NCAM2: variants seen among roughly 807,000 people sequenced by gnomAD.
The protein encoded by NCAM2 is neural cell adhesion molecule 2, also known as N-CAM-2.
NCAM2 carries 30 observed loss-of-function variants against 98.1 expected under a neutral mutation model. The observed-to-expected ratio is 0.31, with a 90% CI of 0.23 to 0.41. The LOEUF is 0.41. NCAM2 is among the 10% of genes least tolerant of loss of function. The pLI, the probability that NCAM2 is intolerant of heterozygous loss-of-function variation, is 1.00. For synonymous variants in NCAM2, 368 were observed against 342.4 expected, an observed-to-expected ratio of 1.07 and a Z score of -0.83; for missense variants, 867 against 1,005.8, an observed-to-expected ratio of 0.86 and a Z score of 1.87.
intron 1 of NCAM2, among the ~76,000 whole-genome samples, chr21:21,120,511 G>T (rs1231516252): frequency 1.3e-5 from 2 of 152,026 alleles, no homozygotes; most frequent in Non-Finnish European, 2.9e-5. Flanking sequence ...GCAGCATGGG[G>T]TAGATTCGAA....
chr21:21,128,473 T>A (rs1213615596), intron 1 of NCAM2, among the ~76,000 whole-genome samples: 1 of 152,112 alleles, frequency 6.6e-6, no homozygotes, highest in Non-Finnish European at 1.5e-5. Context: ...ACTGAAAAGA[T>A]TAAGATCTTT....
chr21:21,073,480 A>C (rs1044924926), intron 1 of NCAM2, among the ~76,000 whole-genome samples: 6 of 152,212 alleles, frequency 3.9e-5, no homozygotes, highest in African/African-American at 1.4e-4. Context: ...TCTAAAGTTT[A>C]AACTTCACTG....
At chr21:21,340,680 A>G (rs1422106970) in intron 8 of NCAM2, among the ~76,000 whole-genome samples, 1 of 151,960 alleles carries the variant, frequency 6.6e-6, no homozygotes, top group Non-Finnish European at 1.5e-5. Context: ...TTATTTTTCT[A>G]TACTCCAGTA....
chr21:21,535,330 T>A (rs989473767), intron 17 of NCAM2, among the ~76,000 whole-genome samples: 6 of 152,112 alleles, frequency 3.9e-5, no homozygotes, highest in Non-Finnish European at 8.8e-5. Flanking sequence ...CTATTGGATG[T>A]ATGTGGTACT....
chr21:21,351,029 G>C (rs2147939950), intron 8 of NCAM2, among the ~76,000 whole-genome samples: 1 of 147,806 alleles, frequency 6.8e-6, no homozygotes, highest in South Asian at 2.1e-4. Flanking sequence ...AAGCAGAATG[G>C]CGTGAACGCG....
intron 7 of NCAM2, among the ~76,000 whole-genome samples, chr21:21,337,648 G>A (rs190729424): frequency 9.9e-5 from 15 of 151,892 alleles, no homozygotes; most frequent in African/African-American, 2.7e-4. Flanking sequence ...AAAAAATAAA[G>A]CTCTCTGGAA....
intron 5 of NCAM2, among the ~76,000 whole-genome samples, chr21:21,300,534 C>CA (rs5842913): frequency 1 from 152,100 of 152,100 alleles, 76,050 homozygotes; most frequent in Non-Finnish European, 1. Context: ...AACTCCATTC[C>CA]ACAGCCTCTT....
chr21:21,201,186 TATTG>T (rs938621326), intron 1 of NCAM2, among the ~76,000 whole-genome samples: 15 of 152,192 alleles, frequency 9.9e-5, no homozygotes, highest in Non-Finnish European at 1.9e-4. Context: ...TAATTTATTT[TATTG>T]ATTATTAGGA....
At chr21:21,393,809 A>G (rs1412937558) in intron 9 of NCAM2, among the ~76,000 whole-genome samples, 1 of 152,182 alleles carries the variant, frequency 6.6e-6, no homozygotes, top group East Asian at 1.9e-4. Context: ...TCAAATATAT[A>G]ACATAACCAA....
chr21:21,266,996 A>G (rs1243151641), intron 1 of NCAM2, among the ~76,000 whole-genome samples: 1 of 152,150 alleles, frequency 6.6e-6, no homozygotes, highest in Non-Finnish European at 1.5e-5. Flanking sequence ...TCACGCAGCT[A>G]TTAAGCCTAG....
At chr21:21,313,870 G>A (rs1568922697) in intron 5 of NCAM2, among the ~76,000 whole-genome samples, 1 of 151,962 alleles carries the variant, frequency 6.6e-6, no homozygotes, top group Non-Finnish European at 1.5e-5. Context: ...AGGGGGTGTT[G>A]CCGTTGTAAT....
At chr21:21,159,230 A>G (rs1169101095) in intron 1 of NCAM2, among the ~76,000 whole-genome samples, 1 of 152,184 alleles carries the variant, frequency 6.6e-6, no homozygotes, top group Non-Finnish European at 1.5e-5. Flanking sequence ...TATTACAAAA[A>G]GAGTCAAATT....
At chr21:21,121,234 A>G (rs1193319428) in intron 1 of NCAM2, among the ~76,000 whole-genome samples, 1 of 152,182 alleles carries the variant, frequency 6.6e-6, no homozygotes, top group African/African-American at 2.4e-5. Flanking sequence ...TCTTATTAGT[A>G]TAGTGAATAA....
intron 5 of NCAM2, among the ~76,000 whole-genome samples, chr21:21,306,840 C>T (rs1259969286): frequency 6.8e-6 from 1 of 146,330 alleles, no homozygotes; most frequent in Non-Finnish European, 1.5e-5. Context: ...CCTCCCCCAA[C>T]CCCCTACTAC....
intron 8 of NCAM2, among the ~76,000 whole-genome samples, chr21:21,358,076 A>G (rs2075542829): frequency 6.6e-6 from 1 of 152,142 alleles, no homozygotes; most frequent in African/African-American, 2.4e-5. Flanking sequence ...GAGAATGTCT[A>G]TTCCCTTGAA....
In NCAM2 at chr21:21,198,184, ATGTGTGTGTGTGTGTGTG is replaced by A. The variant is rs10600265; in HGVS notation, c.56-82366_56-82349del. On this transcript the variant is annotated intron_variant, in intron 1 of 17. Transcript: ENST00000400546. ...TTATTTTTTTAAATATGTAAAGTAT[ATGTGTGTGTGTGTGTGTG>A]TGTGTGTGTGTGTGTGTGTGTGTGT... Among the ~76,000 whole-genome samples the A allele has an allele frequency of 4.6e-3, 671 of 146,346 alleles. 4 individuals are homozygous for A. Among genetic ancestry groups the A allele is most frequent in the Middle Eastern group, 7.0e-3 (2 of 284 alleles).
At chr21:21,096,294 C>T (rs561795206) in intron 1 of NCAM2, among the ~76,000 whole-genome samples, 2 of 151,666 alleles carry the variant, frequency 1.3e-5, no homozygotes, top group South Asian at 4.1e-4. Flanking sequence ...TACATTTTCA[C>T]TAGATATTAA....
intron 12 of NCAM2, among the ~76,000 whole-genome samples, chr21:21,435,280 AG>A (rs1458743711): frequency 6.6e-6 from 1 of 152,184 alleles, no homozygotes; most frequent in Non-Finnish European, 1.5e-5. Flanking sequence ...AAAGAGACAT[AG>A]TAGATCAATC....
intron 14 of NCAM2, among the ~76,000 whole-genome samples, chr21:21,475,427 T>C (rs1985042378): frequency 6.6e-6 from 1 of 152,122 alleles, no homozygotes; most frequent in African/African-American, 2.4e-5. Flanking sequence ...GTTCATGCCT[T>C]CTAGAAAGTC....
Sources: allele counts gnomAD v4.1 joint callset (sites outside exome capture counted in the v4.1 genomes callset), GRCh38; gene constraint gnomAD v4.1.1; transcripts MANE v1.5; gene names NCBI Gene and HGNC (gene_info 2026-07-23, HGNC 2026-07-21).